SRGN: variants seen among roughly 807,000 people sequenced by gnomAD.
The protein encoded by SRGN is hematopoetic proteoglycan core peptide.
SRGN carries 2 observed loss-of-function variants against 9.5 expected under a neutral mutation model. The observed-to-expected ratio is 0.21, with a 90% confidence interval of 0.09 to 0.66. The LOEUF is 0.66. Ranked by LOEUF, SRGN falls within the 30% of genes least tolerant of loss-of-function variation. The pLI, the probability that SRGN is intolerant of heterozygous loss-of-function variation, is 0.83. For synonymous variants in SRGN, 59 were observed against 72.3 expected (o/e 0.82, Z 0.93); for missense variants, 170 against 192.4 (o/e 0.88, Z 0.69).
chr10:69,095,664 A>C (rs1840159577), intron 1 of SRGN, among the ~76,000 whole-genome samples: 1 of 152,080 alleles, frequency 6.6e-6, no homozygotes, highest in Non-Finnish European at 1.5e-5. Flanking sequence ...TAATCCTCAC[A>C]TTTTCAGAGG....
chr10:69,104,279 A>G lies in SRGN; in HGVS notation c.*159A>G. 9.9e-7 allele frequency: 1 copy of G among 1,013,064 alleles called. No individual in the cohort carries two copies. The allele number at this position is 1,013,064 out of a possible 1,614,324, so 62.8% of individuals were successfully genotyped here. On this transcript the variant is annotated 3_prime_UTR_variant, in exon 3 of 3. Transcript: ENST00000242465. ...ATCCTTTTTTTTCTCATGAATTCTT[A>G]AAGGATTATGCTTTAATGCTGTTAT...
rs1840339041 is a variant in SRGN, at chr10:69,103,866, T to G, written c.228-5T>G. On this transcript the variant is annotated splice_region_variant and splice_polypyrimidine_tract_variant and intron_variant, in intron 2 of 2. Transcript: ENST00000242465. Reference sequence around the variant, plus strand: ...TTTTTTTCCCATTTTTCTTTCATACTTCAGAAAGACGAGAATCCAGGACTT... The same window carrying G: ...TTTTTTTCCCATTTTTCTTTCATACGTCAGAAAGACGAGAATCCAGGACTT... The G allele has an allele frequency of 2.5e-6, 4 of 1,611,942 alleles. No individual in the cohort carries two copies. Among genetic ancestry groups the G allele is most frequent in the Non-Finnish European group, 3.4e-6 (4 of 1,178,414 alleles).
intron 1 of SRGN, among the ~76,000 whole-genome samples, chr10:69,090,136 G>A (rs11815080): frequency 0.19 from 28,674 of 152,174 alleles, 3,323 homozygotes; most frequent in Non-Finnish European, 0.25. Context: ...AGCATGCAGG[G>A]AAATAGATGT....
chr10:69,099,394 C>T (rs1211436460), intron 2 of SRGN, among the ~76,000 whole-genome samples: 3 of 150,660 alleles, frequency 2.0e-5, no homozygotes. Context: ...CAGCCTCGAA[C>T]TCCTCAAGTG....
intron 2 of SRGN, 127 bp from the exon 3 acceptor site, chr10:69,103,744 T>C: frequency 3.8e-6 from 4 of 1,053,162 alleles, no homozygotes; most frequent in Non-Finnish European, 5.3e-6. Flanking sequence ...TGGGAAGCTT[T>C]TAAATCTCTT....
At chr10:69,088,095 A>G, upstream of SRGN, 1 of 1,387,648 alleles carries the variant, frequency 7.2e-7, no homozygotes, top group Non-Finnish European at 1.0e-6. Context: ...GACAGAGAGC[A>G]CCCTGCTACA....
At chr10:69,099,462 T>C (rs1840246242) in intron 2 of SRGN, among the ~76,000 whole-genome samples, 1 of 151,752 alleles carries the variant, frequency 6.6e-6, no homozygotes, top group South Asian at 2.1e-4. Flanking sequence ...ACCATGCCCA[T>C]CTAATTAAAA....
At chr10:69,094,361 A>G (rs748420384) in intron 1 of SRGN, among the ~76,000 whole-genome samples, 2 of 152,158 alleles carry the variant, frequency 1.3e-5, no homozygotes, top group Non-Finnish European at 2.9e-5. Context: ...ATGGGAGAAT[A>G]TTTACTGTTT....
Position 69,092,312 on chromosome 10 carries a change from A to G in SRGN, c.79+4076A>G, listed in dbSNP as rs145370081. ...TCACATCCTGCCAACACCCTTGAAT[A>G]GCTATGTCAAGAATTTAGTGTCTGT... On this transcript the variant is annotated intron_variant, in intron 1 of 2. Transcript: ENST00000242465. Among the ~76,000 whole-genome samples the G allele has an allele frequency of 8.7e-4, 133 of 152,342 alleles. 1 individual carries two copies. Among genetic ancestry groups the G allele is most frequent in the African/African-American group, 3.1e-3 (130 of 41,584 alleles).
chr10:69,089,246 A>G (rs1257033992), intron 1 of SRGN, among the ~76,000 whole-genome samples: 1 of 152,224 alleles, frequency 6.6e-6, no homozygotes, highest in Non-Finnish European at 1.5e-5. Context: ...TCTTCTAGTT[A>G]TGCTAATGCT....
rs1359125575 is a variant in SRGN, at chr10:69,104,003, C to T, written c.360C>T (p.Tyr120=). ...SGFLTEMEQD[Y]QLVDESDAFH... is the part of the protein sequence containing the mutation. ...TCCTAACGGAAATGGAACAGGATTA[C>T]CAACTAGTAGACGAAAGTGATGCTT... The change falls in exon 3 of 3, where the codon TAC becomes TAT. Residue 120 remains tyrosine, a synonymous_variant. Coordinates refer to ENST00000242465, the MANE Select transcript of SRGN (RefSeq NM_002727.4). 1 of 1,614,130 alleles carries T rather than the reference C, an allele frequency of 6.2e-7. No individual in the cohort carries two copies. Among genetic ancestry groups the T allele is most frequent in the Non-Finnish European group, 8.5e-7 (1 of 1,180,038 alleles).
intron 2 of SRGN, among the ~76,000 whole-genome samples, chr10:69,099,915 C>T (rs138158957): frequency 2.0e-5 from 3 of 152,098 alleles, no homozygotes; most frequent in East Asian, 3.9e-4. Flanking sequence ...CTGGGCAACA[C>T]GGCAAGACCC....
Position 69,104,004 on chromosome 10 carries a change from C to T in SRGN, c.361C>T (p.Gln121Ter). Residue 121 changes from glutamine (Q) to a stop codon, truncating the protein, a stop_gained, in exon 3 of 3, where the codon CAA becomes TAA. Transcript: ENST00000242465. LOFTEE classifies it low-confidence loss of function (END_TRUNC). ...CCTAACGGAAATGGAACAGGATTAC[C>T]AACTAGTAGACGAAAGTGATGCTTT... ...GFLTEMEQDYQLVDESDAFHD... is the reference protein window; with the variant it reads ...GFLTEMEQDY The T allele has an allele frequency of 6.2e-7, 1 of 1,614,180 alleles. No homozygotes were observed. The highest frequency in any genetic ancestry group is 8.5e-7 in the Non-Finnish European group (1 of 1,180,034).
Position 69,091,601 on chromosome 10 carries a change from C to T in SRGN, c.79+3365C>T, listed in dbSNP as rs114315481. ...TCCATTAAGAATAGGAAATTAGGCT[C>T]GGTACAGTGGCTCACGTCTGTAGTC... is the stretch of plus-strand genomic sequence containing the variant. On this transcript the variant is annotated intron_variant, in intron 1 of 2. Coordinates refer to ENST00000242465, the MANE Select transcript of SRGN (RefSeq NM_002727.4). Among the ~76,000 whole-genome samples, 177 of 152,062 alleles carry T rather than the reference C, an allele frequency of 1.2e-3. 1 individual carries two copies. The highest frequency in any genetic ancestry group is 3.9e-3 in the African/African-American group (160 of 41,490).
chr10:69,090,920 A>G (rs17558167), intron 1 of SRGN, among the ~76,000 whole-genome samples: 28,605 of 151,854 alleles, frequency 0.19, 3,307 homozygotes, highest in Non-Finnish European at 0.25. Context: ...TTCCAATGAC[A>G]CCCATAAAGA....
intron 1 of SRGN, among the ~76,000 whole-genome samples, chr10:69,091,903 AAAAAAGAAAAAG>A (rs1417115801): frequency 2.2e-5 from 2 of 92,010 alleles, no homozygotes; most frequent in Admixed American, 1.1e-4. Flanking sequence ...AAAAAAAAAA[AAAAAAGAAAAAG>A]AAAAGAAAAG....
At chr10:69,090,351 C>A (rs560764124) in intron 1 of SRGN, among the ~76,000 whole-genome samples, 2 of 152,332 alleles carry the variant, frequency 1.3e-5, no homozygotes, top group South Asian at 4.1e-4. Context: ...ATATTCAAAA[C>A]CATTTCAGGT....
chr10:69,103,360 T>C (rs1016975208), intron 2 of SRGN, among the ~76,000 whole-genome samples: 6 of 151,972 alleles, frequency 3.9e-5, no homozygotes, highest in Admixed American at 2.6e-4. Context: ...CTGGCCAATA[T>C]GGTGAAACTC....
At chr10:69,095,937 T>C (rs1320536390) in intron 1 of SRGN, among the ~76,000 whole-genome samples, 1 of 90,682 alleles carries the variant, frequency 1.1e-5, no homozygotes. Flanking sequence ...AATAAATACA[T>C]AAATAAATCT....
Sources: allele counts gnomAD v4.1 joint callset (sites outside exome capture counted in the v4.1 genomes callset), GRCh38; gene constraint gnomAD v4.1.1; transcripts MANE v1.5; gene names NCBI Gene and HGNC (gene_info 2026-07-23, HGNC 2026-07-21).